Variants in SLC24A2 observed in about 807,000 individuals in gnomAD.
The protein encoded by SLC24A2 is sodium/potassium/calcium exchanger 2.
In SLC24A2, 36 loss-of-function variants were observed where a neutral mutation model predicts 62.0. The observed-to-expected ratio is 0.58, with a 90% CI of 0.44 to 0.77. The LOEUF is 0.77. Ranked by LOEUF, SLC24A2 falls within the 30% of genes least tolerant of loss-of-function variation. The probability of loss-of-function intolerance (pLI) is 0.00; values close to 1 mark genes in which losing one functional copy is unlikely to be tolerated. For missense variants in SLC24A2, 846 were observed against 817.9 expected (o/e 1.03, Z -0.42); for synonymous variants, 358 against 294.0 (o/e 1.22, Z -2.23).
At position 19,526,887 on chromosome 9, in the gene SLC24A2, G is replaced by A. The variant is rs187197526; in HGVS notation, c.1569+1162C>T. Among the ~76,000 whole-genome samples, 204 of 152,196 alleles carry A rather than the reference G, an allele frequency of 1.3e-3. 1 individual carries two copies. The highest frequency in any genetic ancestry group is 6.8e-3 in the Middle Eastern group (2 of 294). ...CAATTTTCTTGCTTTCATGGATCAT[G>A]CTTTGGTATTGTATCAAAGAACTCT... On this transcript the variant is annotated intron_variant, in intron 9 of 10. Coordinates refer to ENST00000341998, the MANE Select transcript of SLC24A2 (RefSeq NM_020344.4).
At chr9:20,137,546 G>C in the SLC24A2 span, among the ~76,000 whole-genome samples, 1 of 152,208 alleles carries the variant, frequency 6.6e-6, no homozygotes, top group Non-Finnish European at 1.5e-5. Context: ...CATGTGATAT[G>C]TTGACACTGT....
chr9:19,935,929 G>A, the SLC24A2 span, among the ~76,000 whole-genome samples: 4 of 152,086 alleles, frequency 2.6e-5, no homozygotes, highest in Non-Finnish European at 5.9e-5. Flanking sequence ...CTTCTCTAAA[G>A]GAAAGAAGGA....
At chr9:19,559,791 C>T (rs920906004) in intron 7 of SLC24A2, among the ~76,000 whole-genome samples, 3 of 152,176 alleles carry the variant, frequency 2.0e-5, no homozygotes, top group Non-Finnish European at 2.9e-5. Context: ...GTAAGTTATT[C>T]TCACCTCCAT....
At chr9:19,881,376 G>T in the SLC24A2 span, among the ~76,000 whole-genome samples, 1 of 152,182 alleles carries the variant, frequency 6.6e-6, no homozygotes, top group African/African-American at 2.4e-5. Flanking sequence ...CTGTTGACAG[G>T]TTAAATAAGA....
chr9:19,946,884 C>G, the SLC24A2 span, among the ~76,000 whole-genome samples: 1 of 152,070 alleles, frequency 6.6e-6, no homozygotes, highest in East Asian at 1.9e-4. Context: ...GTTGTTACTG[C>G]TATGTTTGTG....
chr9:20,099,982 C>T, the SLC24A2 span, among the ~76,000 whole-genome samples: 2 of 152,056 alleles, frequency 1.3e-5, no homozygotes, highest in Non-Finnish European at 2.9e-5. Context: ...ATTACTCTCT[C>T]TTATTATGAG....
At chr9:19,693,103 T>C (rs554312031) in intron 2 of SLC24A2, among the ~76,000 whole-genome samples, 16 of 152,214 alleles carry the variant, frequency 1.1e-4, no homozygotes, top group East Asian at 9.7e-4. Flanking sequence ...CTTATTTATT[T>C]TTATTATTAT....
chr9:19,794,963 A>G, the SLC24A2 span, among the ~76,000 whole-genome samples: 1 of 152,216 alleles, frequency 6.6e-6, no homozygotes, highest in African/African-American at 2.4e-5. Context: ...TCAACATAAA[A>G]TAAAGCTTAA....
chr9:20,242,688 C>A, the SLC24A2 span, among the ~76,000 whole-genome samples: 15 of 152,250 alleles, frequency 9.9e-5, no homozygotes, highest in Non-Finnish European at 2.2e-4. Flanking sequence ...AAAGAGCCTC[C>A]TCCTAAATAG....
chr9:19,508,436 A>C lies in SLC24A2; in HGVS notation c.*7717T>G, dbSNP rs968753128. 6.6e-6 allele frequency: 1 copy of C among 152,190 alleles called. No individual in the cohort carries two copies. Among genetic ancestry groups the C allele is most frequent in the Non-Finnish European group, 1.5e-5 (1 of 68,040 alleles). The allele number at this position is 152,190 out of a possible 1,614,324, so 9.4% of individuals were successfully genotyped here. On this transcript the variant is annotated 3_prime_UTR_variant, in exon 11 of 11. Transcript: ENST00000341998. ...CATGTTTACTCTATATGGACAATTT[A>C]GGTACCCAGTTCTGGTGGATTTCTA...
chr9:20,289,996 C>T, the SLC24A2 span, among the ~76,000 whole-genome samples: 8 of 152,158 alleles, frequency 5.3e-5, no homozygotes, highest in African/African-American at 7.2e-5. Context: ...GGCTGGGATG[C>T]GCACTCCTTA....
the SLC24A2 span, among the ~76,000 whole-genome samples, chr9:20,130,221 T>A: frequency 6.6e-6 from 1 of 151,882 alleles, no homozygotes; most frequent in African/African-American, 2.4e-5. Flanking sequence ...ACACTGAAGA[T>A]ACCACAGAGA....
chr9:20,164,584 C>T, the SLC24A2 span, among the ~76,000 whole-genome samples: 1 of 150,998 alleles, frequency 6.6e-6, no homozygotes, highest in South Asian at 2.1e-4. Flanking sequence ...GGCGATTCCT[C>T]AGGGATCTAG....
chr9:20,020,490 A>C, the SLC24A2 span, among the ~76,000 whole-genome samples: 1 of 152,160 alleles, frequency 6.6e-6, no homozygotes, highest in African/African-American at 2.4e-5. Flanking sequence ...CAAACACTGC[A>C]TGTTCTTACT....
At chr9:20,274,232 T>C in the SLC24A2 span, among the ~76,000 whole-genome samples, 3 of 152,098 alleles carry the variant, frequency 2.0e-5, no homozygotes, top group Non-Finnish European at 2.9e-5. Context: ...ACTATGGATA[T>C]AGCCAAAACA....
chr9:19,773,517 T>C (rs1009666234), intron 2 of SLC24A2, among the ~76,000 whole-genome samples: 5 of 152,192 alleles, frequency 3.3e-5, no homozygotes, highest in Non-Finnish European at 5.9e-5. Flanking sequence ...AGGAAATTAG[T>C]CATTTGCTGC....
the SLC24A2 span, among the ~76,000 whole-genome samples, chr9:20,163,574 T>C: frequency 1.1e-3 from 161 of 152,250 alleles, no homozygotes; most frequent in African/African-American, 3.6e-3. Flanking sequence ...ATTTACAGAT[T>C]CAATGCCATC....
chr9:20,209,245 T>C, the SLC24A2 span, among the ~76,000 whole-genome samples: 1 of 152,232 alleles, frequency 6.6e-6, no homozygotes, highest in Admixed American at 6.5e-5. Flanking sequence ...TTTATTCCCA[T>C]ATGTAACTAC....
chr9:19,991,160 C>G, the SLC24A2 span, among the ~76,000 whole-genome samples: 2 of 151,868 alleles, frequency 1.3e-5, no homozygotes, highest in African/African-American at 4.8e-5. Context: ...AGCAAGGAAG[C>G]CAGTCCAAGA....
Sources: gnomAD v4.1 joint callset for allele counts (sites outside exome capture counted in the v4.1 genomes callset) on GRCh38, gnomAD v4.1.1 for gene constraint, MANE v1.5 for transcripts, NCBI Gene and HGNC (gene_info 2026-07-23, HGNC 2026-07-21) for gene names.